CTNNA3: variants seen among roughly 807,000 people sequenced by gnomAD.
The protein encoded by CTNNA3 is catenin alpha 3.
CTNNA3 carries 76 observed loss-of-function variants against 95.7 expected under a neutral mutation model. The ratio of observed to expected loss-of-function variants is 0.79; its 90% confidence interval spans 0.66 to 0.96. CTNNA3 has a LOEUF of 0.96. Among genes scored for constraint, CTNNA3 ranks in the 40% least tolerant of loss-of-function variants. CTNNA3 has a pLI of 0.00. For missense variants in CTNNA3, 1,191 were observed against 1,089.8 expected (o/e 1.09, Z -1.31); for synonymous variants, 431 against 374.4 (o/e 1.15, Z -1.74).
chr10:67,417,082 A>T (rs1013922826), intron 5 of CTNNA3, among the ~76,000 whole-genome samples: 1 of 152,198 alleles, frequency 6.6e-6, no homozygotes, highest in Non-Finnish European at 1.5e-5. Flanking sequence ...AAGAAAAAAT[A>T]GTACATATAC....
At position 66,280,564 on chromosome 10, in the gene CTNNA3, G is replaced by A. The variant is rs780346090; in HGVS notation, c.1790C>T (p.Ser597Leu). 18 of 1,609,640 alleles carry A rather than the reference G, an allele frequency of 1.1e-5. No homozygotes were observed. In the African/African-American group the frequency reaches 2.1e-4, roughly 19 times the overall value. ...TTGATTATCATCCAACACATTCAAT[G>A]AGCTTTTGCTTAAGGCTTCCAAGGC... ...NVALEALSKS[S>L]LNVLDDNQFV... Residue 597 changes from serine (S) to leucine (L), a missense_variant, in exon 13 of 18, where the codon TCA becomes TTA. Transcript: ENST00000433211.
intron 17 of CTNNA3, among the ~76,000 whole-genome samples, chr10:65,964,612 C>G (rs1186707490): frequency 6.6e-6 from 1 of 152,112 alleles, no homozygotes; most frequent in Non-Finnish European, 1.5e-5. Context: ...GGCTGAACTT[C>G]TACCACAGAT....
At chr10:66,292,062 C>T (rs2091691382) in intron 12 of CTNNA3, among the ~76,000 whole-genome samples, 1 of 144,078 alleles carries the variant, frequency 6.9e-6, no homozygotes, top group Non-Finnish European at 1.5e-5. Context: ...GTATATAAAA[C>T]ATGCATATAC....
Position 66,540,293 on chromosome 10 carries a change from G to A in CTNNA3, c.1375-19520C>T, listed in dbSNP as rs150207861. 7.1e-3 allele frequency among the ~76,000 whole-genome samples: 1,076 copies of A among 152,268 alleles called. 14 individuals carry two copies. Among genetic ancestry groups the A allele is most frequent in the African/African-American group, 0.025 (1,029 of 41,574 alleles). The stretch of plus-strand genomic sequence containing the variant: ...CTAGATAGCTGGAACAGTCTCACTT[G>A]AAATACAGGCAATTTGTTGTACATG... On this transcript the variant is annotated intron_variant, in intron 10 of 17. Transcript: ENST00000433211.
At chr10:66,632,974 C>G (rs1461859052) in intron 9 of CTNNA3, among the ~76,000 whole-genome samples, 1 of 151,988 alleles carries the variant, frequency 6.6e-6, no homozygotes, top group African/African-American at 2.4e-5. Context: ...GCAGGATATT[C>G]AACTAAGCAA....
intron 12 of CTNNA3, among the ~76,000 whole-genome samples, chr10:66,340,238 T>A (rs1179933014): frequency 6.6e-6 from 1 of 151,734 alleles, no homozygotes; most frequent in Non-Finnish European, 1.5e-5. Flanking sequence ...ACTTATAGCA[T>A]CCAAAAAGTC....
intron 1 of CTNNA3, among the ~76,000 whole-genome samples, chr10:67,749,902 AATAG>A (rs947398321): frequency 6.6e-6 from 1 of 152,166 alleles, no homozygotes; most frequent in African/African-American, 2.4e-5. Flanking sequence ...AAATTAATAA[AATAG>A]ATAGACCGTG....
At chr10:67,164,113 T>C (rs1861663258) in intron 7 of CTNNA3, among the ~76,000 whole-genome samples, 1 of 151,884 alleles carries the variant, frequency 6.6e-6, no homozygotes, top group Admixed American at 6.6e-5. Context: ...ACATTAAAAA[T>C]TATTGTAAAA....
chr10:66,906,913 G>A (rs1446655260), intron 7 of CTNNA3, among the ~76,000 whole-genome samples: 2 of 152,040 alleles, frequency 1.3e-5, no homozygotes, highest in Admixed American at 6.6e-5. Context: ...CTGAGCCTGA[G>A]CGACACATAC....
In CTNNA3 at chr10:67,305,844, G is replaced by T. The variant is rs187442056; in HGVS notation, c.580-85974C>A. On this transcript the variant is annotated intron_variant, in intron 5 of 17. Transcript: ENST00000433211. The stretch of plus-strand genomic sequence containing the variant: ...GCTAATACAGGACTGAGCTCAGAAA[G>T]AAAAATAAGCAAAGGTGACCAAAAC... 4.0e-3 allele frequency among the ~76,000 whole-genome samples: 612 copies of T among 152,176 alleles called. 7 individuals are homozygous for T. Among genetic ancestry groups the T allele is most frequent in the African/African-American group, 0.014 (588 of 41,522 alleles).
chr10:66,576,477 C>T (rs185873315), intron 10 of CTNNA3, among the ~76,000 whole-genome samples: 226 of 152,066 alleles, frequency 1.5e-3, no homozygotes, highest in Non-Finnish European at 1.8e-3. Flanking sequence ...TCCATGCCCC[C>T]CCACCACCCT....
intron 5 of CTNNA3, among the ~76,000 whole-genome samples, chr10:67,323,911 G>A (rs1841433335): frequency 6.6e-6 from 1 of 152,070 alleles, no homozygotes; most frequent in African/African-American, 2.4e-5. Flanking sequence ...TCCTTGTAGA[G>A]AACTTTTACC....
intron 1 of CTNNA3, among the ~76,000 whole-genome samples, chr10:67,680,195 G>A (rs1465865238): frequency 3.3e-5 from 5 of 152,118 alleles, no homozygotes; most frequent in African/African-American, 4.8e-5. Flanking sequence ...TGTGCCAAGT[G>A]TTTACCTTTC....
chr10:66,615,286 G>A (rs1458644773), intron 10 of CTNNA3, among the ~76,000 whole-genome samples: 4 of 152,066 alleles, frequency 2.6e-5, no homozygotes, highest in African/African-American at 4.8e-5. Context: ...AAGGAGGCAC[G>A]TATCACACGT....
intron 17 of CTNNA3, among the ~76,000 whole-genome samples, chr10:65,956,095 C>T (rs923431099): frequency 6.6e-6 from 1 of 152,092 alleles, no homozygotes; most frequent in African/African-American, 2.4e-5. Context: ...AGGGATTCAA[C>T]TTCTTCCTGG....
intron 11 of CTNNA3, among the ~76,000 whole-genome samples, chr10:66,420,260 C>G (rs754985376): frequency 1.3e-5 from 2 of 152,028 alleles, no homozygotes; most frequent in Non-Finnish European, 2.9e-5. Flanking sequence ...ATGCAAATGG[C>G]CAACAGGTAC....
chr10:66,467,616 CT>C (rs1838970886), intron 11 of CTNNA3, among the ~76,000 whole-genome samples: 1 of 152,048 alleles, frequency 6.6e-6, no homozygotes, highest in Admixed American at 6.6e-5. Context: ...CAACTCTTTT[CT>C]CCCTCTGAAA....
At chr10:66,489,548 A>ACACACACACACTTGCGCATG (rs1491505476) in intron 11 of CTNNA3, among the ~76,000 whole-genome samples, 2 of 152,076 alleles carry the variant, frequency 1.3e-5, no homozygotes, top group Non-Finnish European at 2.9e-5. Flanking sequence ...AACGTTATGT[A>ACACACACACACTTGCGCATG]CACACACACA....
At chr10:66,691,067 G>A (rs1847512632) in intron 9 of CTNNA3, among the ~76,000 whole-genome samples, 1 of 152,186 alleles carries the variant, frequency 6.6e-6, no homozygotes. Flanking sequence ...TCCATCTGAG[G>A]TACCAGGTTC....
Sources: allele counts gnomAD v4.1 joint callset (sites outside exome capture counted in the v4.1 genomes callset), GRCh38; gene constraint gnomAD v4.1.1; transcripts MANE v1.5; gene names NCBI Gene and HGNC (gene_info 2026-07-23, HGNC 2026-07-21).